Variants in ZNF208 observed in about 807,000 individuals in gnomAD.
ZNF208 encodes the protein zinc finger protein 95.
ZNF208 carries 10 observed loss-of-function variants against 12.1 expected under a neutral mutation model. The ratio of observed to expected loss-of-function variants is 0.83; its 90% CI spans 0.51 to 1.40. The LOEUF is 1.40. ZNF208 is among the 40% of genes most tolerant of loss of function. The pLI, the probability that ZNF208 is intolerant of heterozygous loss-of-function variation, is 0.00. For synonymous variants in ZNF208, 497 were observed against 488.4 expected, an observed-to-expected ratio of 1.02 and a Z score of -0.23; for missense variants, 1,652 against 1,485.0, an observed-to-expected ratio of 1.11 and a Z score of -1.85.
intron 1 of ZNF208, among the ~76,000 whole-genome samples, chr19:21,990,280 C>A (rs888082432): frequency 1.3e-4 from 20 of 152,266 alleles, no homozygotes; most frequent in Non-Finnish European, 2.6e-4. Context: ...AGGAAGGGAT[C>A]CAGTTTCAGC....
Position 21,972,120 on chromosome 19 carries a change from G to GT in ZNF208, c.2913dup (p.Pro972ThrfsTer5), listed in dbSNP as rs776428370. On this transcript the variant is annotated frameshift_variant, in exon 4 of 4. Coordinates refer to ENST00000397126, the MANE Select transcript of ZNF208 (RefSeq NM_007153.3). LOFTEE classifies it low-confidence loss of function (END_TRUNC). ...TTGCCACATTCTTCATATTTGTAAGGTTTCTCTTCAGTATGAATTTTCTTA... is the reference window on the plus strand; with the variant it reads ...TTGCCACATTCTTCATATTTGTAAGGTTTTCTCTTCAGTATGAATTTTCTTA... 12 of 1,609,686 alleles carry GT rather than the reference G, an allele frequency of 7.5e-6. 1 individual carries two copies. In the East Asian group the frequency reaches 2.5e-4, roughly 33 times the overall value.
At position 21,951,314 on chromosome 19, in the gene ZNF208, G is replaced by T. The variant is rs555095925; in HGVS notation, c.306-18077C>A. Among the ~76,000 whole-genome samples, 5 of 152,176 alleles carry T rather than the reference G, an allele frequency of 3.3e-5. No homozygotes were observed. In the East Asian group the frequency reaches 7.7e-4, roughly 24 times the overall value. On this transcript the variant is annotated intron_variant, in intron 4 of 4. Transcript: ENST00000599916. ...TACATTAAAGTTAAAATTACAAAAA[G>T]TTACCATTATAACATGTAATTGAGG... is the stretch of plus-strand genomic sequence containing the variant.
Position 21,974,250 on chromosome 19 carries a change from A to T in ZNF208, c.784T>A (p.Cys262Ser). The T allele has an allele frequency of 6.2e-7, 1 of 1,612,550 alleles. No individual in the cohort carries two copies. The highest frequency in any genetic ancestry group is 1.1e-5 in the South Asian group (1 of 91,062). ...GCAGATTGGTTAAAAGCCTTGCCAC[A>T]TTCTTCACATTTGTAGGATTTCTCT... ...TGEKSYKCEE[C>S]GKAFNQSAIL... Residue 262 changes from cysteine to serine, a missense_variant, in exon 4 of 4, where the codon TGT becomes AGT. Coordinates refer to ENST00000397126, the MANE Select transcript of ZNF208 (RefSeq NM_007153.3).
rs759258370 is a variant in ZNF208, at chr19:21,972,719, G to A, written c.2315C>T (p.Thr772Ile). The A allele has an allele frequency of 7.6e-6, 12 of 1,589,184 alleles. 1 individual carries two copies. In the South Asian group the frequency reaches 1.0e-4, roughly 13 times the overall value. ...TTCACATTTGTAGGGTTTCTCTACAGTATGAATTTTCTTATGATAACTAAG... is the reference window on the plus strand; with the variant it reads ...TTCACATTTGTAGGGTTTCTCTACAATATGAATTTTCTTATGATAACTAAG... ...STLSYHKKIH[T>I]VEKPYKCEEC... is the part of the protein sequence containing the mutation. The change falls in exon 4 of 4, where the codon ACT becomes ATT. Residue 772 changes from threonine to isoleucine, a missense_variant. Thr to Ile is a moderately conservative substitution (Grantham distance 89). Coordinates refer to ENST00000397126, the MANE Select transcript of ZNF208 (RefSeq NM_007153.3).
intron 3 of ZNF208, among the ~76,000 whole-genome samples, chr19:21,978,586 C>A (rs555654825): frequency 6.6e-6 from 1 of 152,186 alleles, no homozygotes. Flanking sequence ...CATCAAAGAC[C>A]AAAGGTAGAT....
rs148222986 is a variant in ZNF208 at position 21,968,737 on chromosome 19, T to G, written c.*2454A>C. Among the ~76,000 whole-genome samples, 47 of 148,528 alleles carry G rather than the reference T, an allele frequency of 3.2e-4. No homozygotes were observed. Among genetic ancestry groups the G allele is most frequent in the African/African-American group, 1.2e-3 (47 of 39,714 alleles). On this transcript the variant is annotated 3_prime_UTR_variant, in exon 4 of 4. Transcript: ENST00000397126. ...TAGGGTGAAATCCCACCTTGATTTT[T>G]TCGAATGCATTCAGTAGGCTTAGGT...
At chr19:21,981,981 A>G (rs1970546712) in intron 3 of ZNF208, among the ~76,000 whole-genome samples, 1 of 152,212 alleles carries the variant, frequency 6.6e-6, no homozygotes, top group Non-Finnish European at 1.5e-5. Context: ...CTAGGAATAC[A>G]ACTTACAAGG....
intron 1 of ZNF208, among the ~76,000 whole-genome samples, chr19:22,006,550 C>G (rs561090115): frequency 6.6e-6 from 1 of 152,236 alleles, no homozygotes; most frequent in South Asian, 2.1e-4. Flanking sequence ...CTGTGGGGCC[C>G]CAGCTTTCCA....
At chr19:21,978,335 A>C (rs1250493088) in intron 3 of ZNF208, among the ~76,000 whole-genome samples, 2 of 152,196 alleles carry the variant, frequency 1.3e-5, no homozygotes, top group Non-Finnish European at 2.9e-5. Flanking sequence ...TCTGGCTGGC[A>C]CATGGCAGGT....
At chr19:21,977,971 T>C (rs1334221594) in intron 3 of ZNF208, among the ~76,000 whole-genome samples, 2 of 152,128 alleles carry the variant, frequency 1.3e-5, no homozygotes, top group African/African-American at 2.4e-5. Flanking sequence ...ACCCGGAAGA[T>C]TGAACTGGAT....
At chr19:21,984,340 G>C (rs191650034) in intron 3 of ZNF208, among the ~76,000 whole-genome samples, 1 of 152,124 alleles carries the variant, frequency 6.6e-6, no homozygotes, top group Non-Finnish European at 1.5e-5. Context: ...GAATCACAAG[G>C]TCAGGAGATC....
At chr19:21,991,753 A>AAG (rs1970740924) in intron 1 of ZNF208, 1 of 152,914 alleles carries the variant, frequency 6.5e-6, no homozygotes, top group African/African-American at 2.4e-5. Flanking sequence ...AAAAAAAAAA[A>AAG]AAAAAAGAAT....
chr19:21,978,266 G>A (rs1970470580), intron 3 of ZNF208, among the ~76,000 whole-genome samples: 1 of 152,170 alleles, frequency 6.6e-6, no homozygotes, highest in Non-Finnish European at 1.5e-5. Flanking sequence ...TGACACCCGT[G>A]TCTCCTGATT....
At chr19:21,963,494 T>C (rs187675183), downstream of ZNF208, among the ~76,000 whole-genome samples, 2 of 152,170 alleles carry the variant, frequency 1.3e-5, no homozygotes, top group African/African-American at 4.8e-5. Flanking sequence ...GTATTCGCTC[T>C]GAGTCACACA....
intron 4 of ZNF208, among the ~76,000 whole-genome samples, chr19:21,947,020 T>A (rs1021050097): frequency 7.9e-5 from 12 of 152,060 alleles, no homozygotes; most frequent in African/African-American, 2.4e-5. Flanking sequence ...ATTCTTTGTA[T>A]GCAATGTTGT....
chr19:21,984,209 C>T (rs1401349647), intron 3 of ZNF208, among the ~76,000 whole-genome samples: 2 of 152,074 alleles, frequency 1.3e-5, no homozygotes, highest in African/African-American at 4.8e-5. Context: ...GAATTATTTT[C>T]TGTGACTAAA....
chr19:21,960,852 C>A (rs548343942), intron 4 of ZNF208, among the ~76,000 whole-genome samples: 1 of 152,112 alleles, frequency 6.6e-6, no homozygotes, highest in Non-Finnish European at 1.5e-5. Context: ...GAAAGCCAAG[C>A]GTTTGGAGAG....
chr19:21,942,284 G>GTA (rs1202577415), intron 4 of ZNF208, among the ~76,000 whole-genome samples: 1 of 151,936 alleles, frequency 6.6e-6, no homozygotes, highest in African/African-American at 2.4e-5. Flanking sequence ...CTTAATAGTA[G>GTA]TATATATATA....
chr19:21,948,903 C>T (rs924413561), intron 4 of ZNF208, among the ~76,000 whole-genome samples: 6 of 152,070 alleles, frequency 3.9e-5, no homozygotes, highest in African/African-American at 1.4e-4. Flanking sequence ...AAAACAATGA[C>T]CCTTAAATAT....
Sources: gnomAD v4.1 joint callset for allele counts (sites outside exome capture counted in the v4.1 genomes callset) on GRCh38, gnomAD v4.1.1 for gene constraint, MANE v1.5 for transcripts, NCBI Gene and HGNC (gene_info 2026-07-23, HGNC 2026-07-21) for gene names.